Variants in TBC1D5 observed in about 807,000 individuals in gnomAD.
TBC1D5 encodes the protein TBC1 domain family, member 5.
Under a neutral mutation model 100.3 loss-of-function variants are expected in TBC1D5, and 75 were observed. That is an observed-to-expected ratio of 0.75 (90% confidence interval 0.62 to 0.91). The LOEUF (loss-of-function observed/expected upper bound fraction) is 0.91. TBC1D5 is among the 40% of genes least tolerant of loss of function. The pLI is 0.00. For synonymous variants in TBC1D5, 323 were observed against 325.6 expected (o/e 0.99, Z 0.09); for missense variants, 910 against 942.4 (o/e 0.97, Z 0.45).
chr3:17,621,100 C>A (rs147688079), intron 2 of TBC1D5, among the ~76,000 whole-genome samples: 1 of 151,784 alleles, frequency 6.6e-6, no homozygotes, highest in South Asian at 2.1e-4. Flanking sequence ...CTGTGAAAGA[C>A]GGGACATATA....
chr3:17,274,027 AAG>A (rs1284404575), intron 15 of TBC1D5, among the ~76,000 whole-genome samples: 1 of 151,412 alleles, frequency 6.6e-6, no homozygotes, highest in Non-Finnish European at 1.5e-5. Context: ...AAAAAAAAAA[AAG>A]AAGGAAGAAA....
chr3:17,572,604 C>A (rs1483618642), intron 2 of TBC1D5, among the ~76,000 whole-genome samples: 1 of 152,034 alleles, frequency 6.6e-6, no homozygotes, highest in Non-Finnish European at 1.5e-5. Context: ...TGCTTCATGT[C>A]CCATTTATAT....
intron 8 of TBC1D5, among the ~76,000 whole-genome samples, chr3:17,398,514 G>C (rs981903641): frequency 6.6e-6 from 1 of 152,060 alleles, no homozygotes; most frequent in African/African-American, 2.4e-5. Context: ...AAAATTTAAA[G>C]ATGTTTGAGA....
chr3:17,722,109 T>C (rs926148936), intron 1 of TBC1D5, among the ~76,000 whole-genome samples: 2 of 152,250 alleles, frequency 1.3e-5, no homozygotes, highest in Admixed American at 6.5e-5. Context: ...CTTATTCTGA[T>C]ATTTTCTTGC....
chr3:17,617,802 CT>C (rs1380733778), intron 2 of TBC1D5, among the ~76,000 whole-genome samples: 2 of 152,074 alleles, frequency 1.3e-5, no homozygotes, highest in African/African-American at 4.8e-5. Context: ...TTCGTCTAAC[CT>C]TTTTTCAAGG....
intron 3 of TBC1D5, among the ~76,000 whole-genome samples, chr3:17,494,298 C>A (rs1165419192): frequency 6.6e-6 from 1 of 152,178 alleles, no homozygotes; most frequent in East Asian, 1.9e-4. Flanking sequence ...CTGGGAGCTC[C>A]GTCCCAGAGG....
At chr3:17,285,373 GCCT>G (rs2081075603) in intron 15 of TBC1D5, among the ~76,000 whole-genome samples, 3 of 144,606 alleles carry the variant, frequency 2.1e-5, no homozygotes, top group Admixed American at 7.2e-5. Flanking sequence ...GCATTCTCCT[GCCT>G]CAGCCTCCCG....
rs190233244 is a variant in TBC1D5, at chr3:17,221,392, G to A, written c.1589-7022C>T. ...GTTGGTGTGCTGCACCCATTAACTC[G>A]TCATTTAGCATTAGATATATCTCCT... On this transcript the variant is annotated intron_variant, in intron 17 of 21. Coordinates refer to ENST00000253692, the Ensembl canonical transcript of TBC1D5. Among the ~76,000 whole-genome samples the A allele has an allele frequency of 5.3e-5, 8 of 151,960 alleles. No homozygotes were observed. In the East Asian group the frequency reaches 5.8e-4, roughly 11 times the overall value.
At chr3:17,662,362 A>G (rs1380380839) in intron 1 of TBC1D5, among the ~76,000 whole-genome samples, 1 of 152,248 alleles carries the variant, frequency 6.6e-6, no homozygotes, top group Non-Finnish European at 1.5e-5. Flanking sequence ...TCACAGTGCC[A>G]AAGAAGTTTA....
At position 17,231,098 on chromosome 3, in the gene TBC1D5, G is replaced by T. The variant is rs114406017; in HGVS notation, c.1588+7065C>A. 9.2e-3 allele frequency among the ~76,000 whole-genome samples: 1,396 copies of T among 152,156 alleles called. 23 individuals are homozygous for T. The highest frequency in any genetic ancestry group is 0.031 in the African/African-American group (1,303 of 41,508). On this transcript the variant is annotated intron_variant, in intron 17 of 21. Transcript: ENST00000253692. ...GAGATGTGAAACCCATGGATACAGGGGGCTGACTGTACTTCTGTTGTTACA... is the reference window on the plus strand; with the variant it reads ...GAGATGTGAAACCCATGGATACAGGTGGCTGACTGTACTTCTGTTGTTACA...
chr3:17,619,512 GCA>G (rs2062470738), intron 2 of TBC1D5, among the ~76,000 whole-genome samples: 1 of 152,110 alleles, frequency 6.6e-6, no homozygotes, highest in Admixed American at 6.5e-5. Flanking sequence ...TAAATCATTA[GCA>G]CAGTTATAGT....
At chr3:17,218,240 A>C (rs1311347640) in intron 17 of TBC1D5, among the ~76,000 whole-genome samples, 3 of 152,004 alleles carry the variant, frequency 2.0e-5, no homozygotes, top group Non-Finnish European at 4.4e-5. Flanking sequence ...ACTATATAAC[A>C]AGTTTTGAAA....
intron 1 of TBC1D5, among the ~76,000 whole-genome samples, chr3:17,703,017 T>G (rs2073425437): frequency 6.6e-6 from 1 of 152,100 alleles, no homozygotes; most frequent in Non-Finnish European, 1.5e-5. Context: ...ACATCTTTAC[T>G]GAGTGGTTTA....
At chr3:17,394,999 C>A (rs1340466879) in intron 8 of TBC1D5, among the ~76,000 whole-genome samples, 1 of 151,346 alleles carries the variant, frequency 6.6e-6, no homozygotes, top group African/African-American at 2.4e-5. Context: ...AGGACTCAGC[C>A]CAAGAGGGCA....
exon 17 of TBC1D5, chr3:17,238,218 T>C (rs2076027398): frequency 6.2e-7 from 1 of 1,614,058 alleles, no homozygotes; most frequent in East Asian, 2.2e-5. Flanking sequence ...GCTGCTGCTG[T>C]TGCTGTTGCA....
intron 2 of TBC1D5, chr3:17,519,024 G>C (rs1246084116): frequency 6.6e-6 from 1 of 152,282 alleles, no homozygotes; most frequent in Non-Finnish European, 1.5e-5. Context: ...AGAGGGCTGT[G>C]TAAATGAGGC....
chr3:17,238,213 T>C (rs746006519), exon 17 of TBC1D5: 3 of 1,613,948 alleles, frequency 1.9e-6, no homozygotes, highest in African/African-American at 1.3e-5. Context: ...CCTCTGCTGC[T>C]GCTGTTGCTG....
chr3:17,662,092 G>A (rs553547740), intron 1 of TBC1D5, among the ~76,000 whole-genome samples: 7 of 151,972 alleles, frequency 4.6e-5, no homozygotes, highest in Admixed American at 1.3e-4. Context: ...GTCTCGCTAC[G>A]TTGCCCAGGT....
At chr3:17,439,961 A>C (rs750972655) in intron 3 of TBC1D5, among the ~76,000 whole-genome samples, 111 of 152,318 alleles carry the variant, frequency 7.3e-4, no homozygotes, top group Middle Eastern at 3.4e-3. Context: ...TTTGTAATTC[A>C]AACTTTGTCA....
Sources: gnomAD v4.1 joint callset for allele counts (sites outside exome capture counted in the v4.1 genomes callset) on GRCh38, gnomAD v4.1.1 for gene constraint, MANE v1.5 for transcripts, NCBI Gene and HGNC (gene_info 2026-07-23, HGNC 2026-07-21) for gene names.